Variants in TSGA10 observed in about 807,000 individuals in gnomAD.
TSGA10 encodes testis specific 10.
TSGA10 carries 43 observed loss-of-function variants against 96.6 expected under a neutral mutation model. The ratio of observed to expected loss-of-function variants is 0.44; its 90% confidence interval spans 0.35 to 0.57. The LOEUF (loss-of-function observed/expected upper bound fraction) is 0.57, where lower values mean the gene tolerates loss of function less well. Ranked by LOEUF, TSGA10 falls within the 20% of genes least tolerant of loss-of-function variation. The pLI, the probability that TSGA10 is intolerant of heterozygous loss-of-function variation, is 0.01. For missense variants in TSGA10, 703 were observed against 834.4 expected, an observed-to-expected ratio of 0.84 and a Z score of 1.94; for synonymous variants, 229 against 269.9, an observed-to-expected ratio of 0.85 and a Z score of 1.48.
chr2:99,073,192 T>C lies in TSGA10; in HGVS notation c.883-119A>G, dbSNP rs1193349153. 7 of 638,072 alleles carry C rather than the reference T, an allele frequency of 1.1e-5. No individual in the cohort carries two copies. In the East Asian group the frequency reaches 1.4e-4, roughly 13 times the overall value. The allele number at this position is 638,072 out of a possible 1,614,324, so 39.5% of individuals were successfully genotyped here. On this transcript the variant is annotated intron_variant, in intron 12 of 20. Transcript: ENST00000393483. Reference sequence around the variant, plus strand: ...AGGTTTCCATTTGGTTTTAAAAACATGTATGTCCTATTCTTTTCCACACTT... The same window carrying C: ...AGGTTTCCATTTGGTTTTAAAAACACGTATGTCCTATTCTTTTCCACACTT...
At chr2:99,056,410 T>C (rs1177968125) in intron 16 of TSGA10, among the ~76,000 whole-genome samples, 3 of 152,072 alleles carry the variant, frequency 2.0e-5, no homozygotes, top group African/African-American at 7.2e-5. Flanking sequence ...AAATAGATTA[T>C]AAAAATACAC....
chr2:99,133,374 TAA>T (rs1337698622), intron 1 of TSGA10, among the ~76,000 whole-genome samples: 2 of 152,212 alleles, frequency 1.3e-5, no homozygotes, highest in African/African-American at 2.4e-5. Flanking sequence ...TTTGTTGGTT[TAA>T]AGTCTGTTTT....
intron 16 of TSGA10, among the ~76,000 whole-genome samples, chr2:99,039,558 A>G (rs2081999089): frequency 6.6e-6 from 1 of 152,118 alleles, no homozygotes; most frequent in Non-Finnish European, 1.5e-5. Flanking sequence ...ATTCCTGGAA[A>G]TATACAACCC....
At chr2:98,998,540 GCGAAGAAAGT>G (rs1301603050) in intron 20 of TSGA10, among the ~76,000 whole-genome samples, 1 of 152,184 alleles carries the variant, frequency 6.6e-6, no homozygotes, top group African/African-American at 2.4e-5. Flanking sequence ...TATAGAGATG[GCGAAGAAAGT>G]AGTGTTTCCC....
intron 14 of TSGA10, among the ~76,000 whole-genome samples, chr2:99,069,244 T>C (rs2085635328): frequency 6.6e-6 from 1 of 152,096 alleles, no homozygotes; most frequent in Admixed American, 6.6e-5. Flanking sequence ...ACTGAAGATA[T>C]GCTAATTAAA....
At chr2:99,045,776 G>A (rs1018603549) in intron 16 of TSGA10, among the ~76,000 whole-genome samples, 2 of 152,166 alleles carry the variant, frequency 1.3e-5, no homozygotes, top group Non-Finnish European at 2.9e-5. Flanking sequence ...CCAATTAAAA[G>A]ACACAGACTG....
intron 1 of TSGA10, among the ~76,000 whole-genome samples, chr2:99,137,836 G>T (rs917712701): frequency 6.7e-6 from 1 of 150,210 alleles, no homozygotes; most frequent in Admixed American, 6.7e-5. Context: ...GCAGTGAGCC[G>T]AGATCGTGTC....
At chr2:99,090,589 A>C (rs997002183) in intron 10 of TSGA10, among the ~76,000 whole-genome samples, 2 of 152,146 alleles carry the variant, frequency 1.3e-5, no homozygotes, top group Non-Finnish European at 2.9e-5. Flanking sequence ...AAACAATCAC[A>C]ACTTCTGGAA....
At chr2:99,135,826 T>A (rs1361272062) in intron 1 of TSGA10, among the ~76,000 whole-genome samples, 3 of 152,096 alleles carry the variant, frequency 2.0e-5, no homozygotes, top group African/African-American at 7.2e-5. Flanking sequence ...CTGGCCAACA[T>A]GGTGAAAACC....
intron 20 of TSGA10, among the ~76,000 whole-genome samples, chr2:99,006,800 T>C (rs2078521296): frequency 6.6e-6 from 1 of 152,228 alleles, no homozygotes; most frequent in African/African-American, 2.4e-5. Flanking sequence ...ACTGGGTATA[T>C]ACCCAAAGGA....
intron 12 of TSGA10, among the ~76,000 whole-genome samples, chr2:99,075,472 T>C (rs1042686335): frequency 4.6e-5 from 7 of 152,174 alleles, no homozygotes; most frequent in African/African-American, 1.7e-4. Context: ...AAACATCTTT[T>C]TAAACCATGG....
In TSGA10 at chr2:99,087,455, G is replaced by T. The variant is rs746090759; in HGVS notation, c.612-6058C>A. ...CGGGAGGCGGAGGTTGCAGTGAGCC[G>T]AGATGGCACCACTGCACTCCAGCCT... On this transcript the variant is annotated intron_variant, in intron 10 of 20. Coordinates refer to ENST00000393483, the MANE Select transcript of TSGA10 (RefSeq NM_025244.4). Among the ~76,000 whole-genome samples, 4 of 151,710 alleles carry T rather than the reference G, an allele frequency of 2.6e-5. No individual in the cohort carries two copies. The East Asian group carries it at 7.8e-4, about 29-fold the overall frequency.
chr2:99,101,844 TCAGAAA>T (rs2104783646), intron 10 of TSGA10, among the ~76,000 whole-genome samples: 1 of 152,154 alleles, frequency 6.6e-6, no homozygotes, highest in Admixed American at 6.5e-5. Context: ...ACAGTTAAAC[TCAGAAA>T]CAGAAAGTAA....
intron 1 of TSGA10, among the ~76,000 whole-genome samples, chr2:99,131,678 G>A (rs570458626): frequency 7.9e-5 from 12 of 152,248 alleles, no homozygotes; most frequent in Non-Finnish European, 1.8e-4. Context: ...TGGTGAGAGA[G>A]GGCATCCTTG....
At chr2:99,116,039 A>C (rs1189395013) in intron 4 of TSGA10, among the ~76,000 whole-genome samples, 1 of 152,190 alleles carries the variant, frequency 6.6e-6, no homozygotes, top group Non-Finnish European at 1.5e-5. Flanking sequence ...ATAACGTTTC[A>C]CCTGATAATT....
intron 10 of TSGA10, among the ~76,000 whole-genome samples, chr2:99,095,223 A>G (rs1365059193): frequency 1.3e-5 from 2 of 152,166 alleles, no homozygotes; most frequent in African/African-American, 4.8e-5. Flanking sequence ...TAAGGATGAT[A>G]CAATGGACTT....
At chr2:99,028,426 T>C (rs745624921) in intron 17 of TSGA10, among the ~76,000 whole-genome samples, 1 of 152,206 alleles carries the variant, frequency 6.6e-6, no homozygotes, top group Non-Finnish European at 1.5e-5. Context: ...TTAAGCTAAC[T>C]AACATATCCA....
At chr2:99,045,771 TAA>T (rs2082704730) in intron 16 of TSGA10, among the ~76,000 whole-genome samples, 1 of 152,142 alleles carries the variant, frequency 6.6e-6, no homozygotes, top group Non-Finnish European at 1.5e-5. Flanking sequence ...ATGCTCCAAT[TAA>T]AAGACACAGA....
intron 10 of TSGA10, among the ~76,000 whole-genome samples, chr2:99,091,102 G>T (rs1368781689): frequency 2.6e-5 from 4 of 152,186 alleles, no homozygotes; most frequent in African/African-American, 9.7e-5. Flanking sequence ...TAGCTAGAAG[G>T]AATTGTTGTC....
Sources: gnomAD v4.1 joint callset for allele counts (sites outside exome capture counted in the v4.1 genomes callset) on GRCh38, gnomAD v4.1.1 for gene constraint, MANE v1.5 for transcripts, NCBI Gene and HGNC (gene_info 2026-07-23, HGNC 2026-07-21) for gene names.